CDH3: variants seen among roughly 807,000 people sequenced by gnomAD.
CDH3 encodes cadherin 3.
In CDH3, 54 loss-of-function variants were observed where a neutral mutation model predicts 82.0. The observed-to-expected ratio is 0.66, with a 90% CI of 0.53 to 0.83. The LOEUF (loss-of-function observed/expected upper bound fraction) is 0.83, where lower values mean the gene tolerates loss of function less well. CDH3 is among the 40% of genes least tolerant of loss of function. CDH3 has a pLI of 0.00. For synonymous variants in CDH3, 446 were observed against 437.9 expected (o/e 1.02, Z -0.23); for missense variants, 1,054 against 1,084.6 (o/e 0.97, Z 0.40).
At chr16:68,682,150 C>T (rs1961245530) in intron 8 of CDH3, 152 bp from the exon 9 acceptor site, 4 of 769,408 alleles carry the variant, frequency 5.2e-6, no homozygotes, top group South Asian at 4.6e-5. Flanking sequence ...CATCCTGCCG[C>T]TGTGTATACC....
chr16:68,679,463 C>T (rs556081833), intron 6 of CDH3, among the ~76,000 whole-genome samples: 3 of 152,258 alleles, frequency 2.0e-5, no homozygotes, highest in African/African-American at 7.2e-5. Flanking sequence ...GGAGCCTAGG[C>T]AGGCACATCA....
At chr16:68,700,598 G>A (rs1019622901), downstream of CDH3, among the ~76,000 whole-genome samples, 34 of 152,192 alleles carry the variant, frequency 2.2e-4, 1 homozygote, top group Non-Finnish European at 5.0e-4. Flanking sequence ...GAGGTCAGGG[G>A]TTCGAGACCA....
At position 68,654,380 on chromosome 16, in the gene CDH3, A is replaced by ATT. The variant is rs1176713669; in HGVS notation, c.160+8667_160+8668dup. Among the ~76,000 whole-genome samples, 13 of 48,530 alleles carry ATT rather than the reference A, an allele frequency of 2.7e-4. 1 individual carries two copies. Among genetic ancestry groups the ATT allele is most frequent in the Non-Finnish European group, 3.8e-4 (11 of 29,220 alleles). 31.8% of individuals were successfully genotyped at this position (48,530 alleles called of 152,430 possible). The stretch of plus-strand genomic sequence containing the variant: ...GGCCTTTTTCTTAATTTTTAAATTA[A>ATT]TTTTTTTTTTTTTTTTTTTTTTTTT... On this transcript the variant is annotated intron_variant, in intron 2 of 15. Coordinates refer to ENST00000264012, the MANE Select transcript of CDH3 (RefSeq NM_001793.6).
At position 68,680,887 on chromosome 16, in the gene CDH3, TGAG is replaced by T. The variant is rs1211927860; in HGVS notation, c.868-80_868-78del. On this transcript the variant is annotated intron_variant, in intron 7 of 15. Transcript: ENST00000264012. The stretch of plus-strand genomic sequence containing the variant: ...ATCCTCCTCTCCATCCACACACCCA[TGAG>T]CCAGTGCTTCCTGGAGGTCAGGGGA... 2.9e-5 allele frequency: 44 copies of T among 1,504,954 alleles called. No individual in the cohort carries two copies. The East Asian group carries it at 5.7e-4, about 19-fold the overall frequency. The allele number at this position is 1,504,954 out of a possible 1,614,324, so 93.2% of individuals were successfully genotyped here. A position where few individuals can be genotyped will look rare whatever the true frequency, so the allele number is the denominator to read the frequency against.
chr16:68,658,255 G>A (rs1457412506), intron 2 of CDH3, among the ~76,000 whole-genome samples: 2 of 151,952 alleles, frequency 1.3e-5, no homozygotes, highest in Non-Finnish European at 2.9e-5. Context: ...TTGCACTTGG[G>A]TCCATTTGGA....
chr16:68,647,740 C>T (rs1960118796), intron 2 of CDH3, among the ~76,000 whole-genome samples: 1 of 152,140 alleles, frequency 6.6e-6, no homozygotes, highest in Admixed American at 6.6e-5. Context: ...CTATTTCTCC[C>T]TTTGGTCTTC....
chr16:68,661,225 C>A (rs1236539094), intron 2 of CDH3, among the ~76,000 whole-genome samples: 1 of 152,152 alleles, frequency 6.6e-6, no homozygotes, highest in Non-Finnish European at 1.5e-5. Context: ...TTGAAGTTTG[C>A]ATGAAATATA....
intron 2 of CDH3, among the ~76,000 whole-genome samples, chr16:68,649,403 TGG>T (rs1960175494): frequency 6.6e-6 from 1 of 152,238 alleles, no homozygotes; most frequent in Non-Finnish European, 1.5e-5. Context: ...GCCCCTACTC[TGG>T]GGTATGCCCT....
chr16:68,706,402 C>G (rs1302918404), intron 1 of CDH3, among the ~76,000 whole-genome samples: 1 of 152,106 alleles, frequency 6.6e-6, no homozygotes, highest in Non-Finnish European at 1.5e-5. Context: ...TGTGTCCCAG[C>G]TCCCTCCACT....
chr16:68,645,335 C>G lies in CDH3; in HGVS notation c.-45C>G, dbSNP rs576180784. The G allele has an allele frequency of 1.2e-6, 2 of 1,603,074 alleles. No homozygotes were observed. Among genetic ancestry groups the G allele is most frequent in the Non-Finnish European group, 1.7e-6 (2 of 1,172,810 alleles). Reference sequence around the variant, plus strand: ...AAAGGGGCAAGAGCTGAGCGGAACACCGGCCCGCCGTCGCGGCAGCTGCTT... The same window carrying G: ...AAAGGGGCAAGAGCTGAGCGGAACAGCGGCCCGCCGTCGCGGCAGCTGCTT... On this transcript the variant is annotated 5_prime_UTR_variant, in exon 1 of 16. Coordinates refer to ENST00000264012, the MANE Select transcript of CDH3 (RefSeq NM_001793.6).
chr16:68,722,152 G>A (rs1199085353), intron 1 of CDH3, among the ~76,000 whole-genome samples: 4 of 152,204 alleles, frequency 2.6e-5, no homozygotes, highest in Admixed American at 1.3e-4. Flanking sequence ...AAATCCTTGG[G>A]TTGTAAATCC....
chr16:68,716,275 A>C (rs1395152958), intron 1 of CDH3, among the ~76,000 whole-genome samples: 1 of 151,870 alleles, frequency 6.6e-6, no homozygotes, highest in Non-Finnish European at 1.5e-5. Flanking sequence ...AAGGGAATTG[A>C]TTCAATAAAT....
At chr16:68,680,842 C>A in intron 7 of CDH3, 126 bp from the exon 8 acceptor site, 1 of 1,056,146 alleles carries the variant, frequency 9.5e-7, no homozygotes, top group Non-Finnish European at 1.5e-6. Flanking sequence ...GTCAAGGAGT[C>A]AGCGTTATGA....
At chr16:68,663,533 C>T (rs1031668763) in intron 2 of CDH3, among the ~76,000 whole-genome samples, 4 of 151,970 alleles carry the variant, frequency 2.6e-5, no homozygotes, top group East Asian at 1.9e-4. Flanking sequence ...CACGCCTGGC[C>T]GAAAGTGACC....
chr16:68,675,431 T>G (rs377399789), intron 2 of CDH3, among the ~76,000 whole-genome samples: 1 of 152,098 alleles, frequency 6.6e-6, no homozygotes, highest in African/African-American at 2.4e-5. Flanking sequence ...GGTAACAACG[T>G]TGGTTGTGAA....
At chr16:68,671,463 C>T (rs1960881131) in intron 2 of CDH3, among the ~76,000 whole-genome samples, 1 of 151,780 alleles carries the variant, frequency 6.6e-6, no homozygotes, top group Non-Finnish European at 1.5e-5. Context: ...AAACTTCTTC[C>T]TCTTCTAAAG....
chr16:68,659,448 T>C (rs547755237), intron 2 of CDH3, among the ~76,000 whole-genome samples: 7 of 152,044 alleles, frequency 4.6e-5, no homozygotes, highest in African/African-American at 1.7e-4. Context: ...TGCATGCCTG[T>C]AGTCCCATCT....
rs199958050 is a variant in CDH3 at position 68,671,072 on chromosome 16, C to CA, written c.161-5306dup. On this transcript the variant is annotated intron_variant, in intron 2 of 15. Transcript: ENST00000264012. ...TGAGTAACAGAGCGAGACTGTGTCTCAAAAAAACAAAAACAAAAAAGTAGT... is the reference window on the plus strand; with the variant it reads ...TGAGTAACAGAGCGAGACTGTGTCTCAAAAAAAACAAAAACAAAAAAGTAGT... Among the ~76,000 whole-genome samples the CA allele has an allele frequency of 5.8e-3, 855 of 147,112 alleles. 6 individuals are homozygous for CA. Among genetic ancestry groups the CA allele is most frequent in the African/African-American group, 0.019 (769 of 39,922 alleles).
chr16:68,709,464 T>TG (rs753367065), intron 1 of CDH3, among the ~76,000 whole-genome samples: 20 of 152,088 alleles, frequency 1.3e-4, no homozygotes, highest in Non-Finnish European at 2.1e-4. Context: ...CAGTCTACAG[T>TG]GGGGTGAGCA....
Sources: gnomAD v4.1 joint callset for allele counts (sites outside exome capture counted in the v4.1 genomes callset) on GRCh38, gnomAD v4.1.1 for gene constraint, MANE v1.5 for transcripts, NCBI Gene and HGNC (gene_info 2026-07-23, HGNC 2026-07-21) for gene names.